NCR1: variants seen among roughly 807,000 people sequenced by gnomAD.
The protein encoded by NCR1 is NK cell-activating receptor.
In NCR1, 30 loss-of-function variants were observed where a neutral mutation model predicts 32.5. That is an observed-to-expected ratio of 0.92 (90% confidence interval 0.69 to 1.25). The LOEUF (loss-of-function observed/expected upper bound fraction) is 1.25, where lower values mean the gene tolerates loss of function less well. Among genes scored for constraint, NCR1 ranks in the 50% most tolerant of loss-of-function variants. The probability of loss-of-function intolerance (pLI) is 0.00; values close to 1 mark genes in which losing one functional copy is unlikely to be tolerated. For missense variants in NCR1, 369 were observed against 380.7 expected (o/e 0.97, Z 0.26); for synonymous variants, 169 against 143.4 (o/e 1.18, Z -1.28).
the NCR1 span, among the ~76,000 whole-genome samples, chr19:54,936,979 G>A: frequency 4.0e-5 from 6 of 151,714 alleles, no homozygotes; most frequent in Admixed American, 6.6e-5. Context: ...TTGGGAGGCC[G>A]AGGCCGAGGC....
the NCR1 span, among the ~76,000 whole-genome samples, chr19:54,932,841 G>A: frequency 2.6e-5 from 4 of 151,916 alleles, no homozygotes; most frequent in Non-Finnish European, 5.9e-5. Context: ...TTTTTTAGTA[G>A]CGATGGGTTT....
upstream of NCR1, among the ~76,000 whole-genome samples, chr19:54,902,316 T>A (rs1032481738): frequency 6.0e-4 from 91 of 151,714 alleles, no homozygotes; most frequent in African/African-American, 1.9e-3. Context: ...TTTTTTTTTT[T>A]ATAGACAGGG....
At chr19:54,907,317 C>T (rs758791507) in intron 3 of NCR1, among the ~76,000 whole-genome samples, 30 of 151,122 alleles carry the variant, frequency 2.0e-4, no homozygotes, top group Non-Finnish European at 3.8e-4. Context: ...CACTACGCCA[C>T]ATTTTGTATT....
In NCR1 at chr19:54,909,537, C is replaced by G. The variant is rs751808489; in HGVS notation, c.634+14C>G. On this transcript the variant is annotated intron_variant, in intron 4 of 6. Coordinates refer to ENST00000291890, the MANE Select transcript of NCR1 (RefSeq NM_004829.7). ...TCCTGGTCACAGGTGAGGAAATGCT[C>G]AATTCCCCACACCCTTCGCCGCCAT... 6.3e-6 allele frequency: 10 copies of G among 1,596,448 alleles called. No individual in the cohort carries two copies. The South Asian group carries it at 1.1e-4, about 18-fold the overall frequency.
chr19:54,915,290 G>A (rs1400420926), downstream of NCR1, among the ~76,000 whole-genome samples: 1 of 152,072 alleles, frequency 6.6e-6, no homozygotes. Context: ...CTCACTAGGG[G>A]TCTTGAAATG....
At chr19:54,919,714 A>ACCCCCCCCCC (rs58529355), downstream of NCR1, among the ~76,000 whole-genome samples, 4 of 100,014 alleles carry the variant, frequency 4.0e-5, no homozygotes, top group Admixed American at 1.1e-4. Flanking sequence ...GGAAAGGGAG[A>ACCCCCCCCCC]CCCCCCCCCC....
At chr19:54,937,378 G>C in the NCR1 span, among the ~76,000 whole-genome samples, 1 of 150,940 alleles carries the variant, frequency 6.6e-6, no homozygotes, top group Non-Finnish European at 1.5e-5. Flanking sequence ...GTTTGTTTTG[G>C]TAACAAAACA....
chr19:54,922,784 A>C, the NCR1 span, among the ~76,000 whole-genome samples: 12 of 124,522 alleles, frequency 9.6e-5, no homozygotes, highest in Non-Finnish European at 1.3e-4. Flanking sequence ...GTCTCAAAAA[A>C]AAAAACAAAA....
chr19:54,906,293 T>A lies in NCR1; in HGVS notation c.35-6T>A. 6.2e-7 allele frequency: 1 copy of A among 1,614,138 alleles called. No homozygotes were observed. The highest frequency in any genetic ancestry group is 8.5e-7 in the Non-Finnish European group (1 of 1,180,034). On this transcript the variant is annotated splice_polypyrimidine_tract_variant and splice_region_variant and intron_variant, in intron 1 of 6. Transcript: ENST00000291890. ...GGCAACAGGTCTCATTACTCCCGTCTTCCAGGGCTGTGTCTGAGTCAGAGG... is the reference window on the plus strand; with the variant it reads ...GGCAACAGGTCTCATTACTCCCGTCATCCAGGGCTGTGTCTGAGTCAGAGG...
chr19:54,930,385 CTGG>C, the NCR1 span: 1 of 745,460 alleles, frequency 1.3e-6, no homozygotes, highest in Non-Finnish European at 2.3e-6. Flanking sequence ...CCGATCAAGC[CTGG>C]AAGACCGAAG....
chr19:54,922,987 TAC>T, the NCR1 span, among the ~76,000 whole-genome samples: 7 of 149,404 alleles, frequency 4.7e-5, no homozygotes, highest in South Asian at 2.1e-4. Context: ...GAGAGACACA[TAC>T]ACACACACAC....
upstream of NCR1, among the ~76,000 whole-genome samples, chr19:54,901,396 T>C (rs1249227446): frequency 2.0e-5 from 3 of 146,816 alleles, no homozygotes; most frequent in African/African-American, 7.6e-5. Flanking sequence ...ATTAGTAATA[T>C]CCTCTGTGTC....
chr19:54,923,224 T>C, the NCR1 span, among the ~76,000 whole-genome samples: 25 of 152,184 alleles, frequency 1.6e-4, no homozygotes, highest in East Asian at 4.6e-3. Context: ...TGAGAGCTGA[T>C]GAGAGACCGC....
rs1569536504 is a variant in NCR1 at position 54,906,715 on chromosome 19, T to C, written c.263T>C (p.Met88Thr). Residue 88 changes from methionine to threonine, a missense_variant, in exon 3 of 7, where the codon ATG becomes ACG. Coordinates refer to ENST00000291890, the MANE Select transcript of NCR1 (RefSeq NM_004829.7). ...AAAGTCCAATTCTACATCCCGGACATGAACTCCCGCATGGCAGGGCAATAC... is the reference window on the plus strand; with the variant it reads ...AAAGTCCAATTCTACATCCCGGACACGAACTCCCGCATGGCAGGGCAATAC... The part of the protein sequence containing the change: ...INKVQFYIPD[M>T]NSRMAGQYSC... 1 of 1,614,076 alleles carries C rather than the reference T, an allele frequency of 6.2e-7. No homozygotes were observed. The highest frequency in any genetic ancestry group is 1.3e-5 in the African/African-American group (1 of 74,940).
At chr19:54,899,119 C>T in the NCR1 span, among the ~76,000 whole-genome samples, 295 of 152,062 alleles carry the variant, frequency 1.9e-3, 3 homozygotes, top group African/African-American at 6.6e-3. Flanking sequence ...AGGGAGGGAC[C>T]GATGTGTAAA....
At chr19:54,919,649 A>G, downstream of NCR1, among the ~76,000 whole-genome samples, 1 of 150,430 alleles carries the variant, frequency 6.6e-6, no homozygotes, top group Non-Finnish European at 1.5e-5. Context: ...AGCCTGACTG[A>G]TGTCAGGCCC....
the NCR1 span, among the ~76,000 whole-genome samples, chr19:54,922,903 A>C: frequency 6.6e-6 from 1 of 151,354 alleles, no homozygotes; most frequent in Non-Finnish European, 1.5e-5. Context: ...CACACACAGA[A>C]ACAGACACAG....
chr19:54,906,416 G>C (rs2067614628), intron 2 of NCR1, 82 bp downstream of exon 2: 1 of 1,602,114 alleles, frequency 6.2e-7, no homozygotes, highest in East Asian at 2.2e-5. Flanking sequence ...TGGGGTGAGG[G>C]GACAGGGTGC....
At chr19:54,936,405 G>A in the NCR1 span, 1,836 of 1,614,074 alleles carry the variant, frequency 1.1e-3, 5 homozygotes, top group Middle Eastern at 0.016. Flanking sequence ...GTCCCGGTAC[G>A]CGGTGTCAGG....
Sources: gnomAD v4.1 joint callset for allele counts (sites outside exome capture counted in the v4.1 genomes callset) on GRCh38, gnomAD v4.1.1 for gene constraint, MANE v1.5 for transcripts, NCBI Gene and HGNC (gene_info 2026-07-23, HGNC 2026-07-21) for gene names.